DNAJC16: variants seen among roughly 807,000 people sequenced by gnomAD.
The protein encoded by DNAJC16 is dnaJ homolog subfamily C member 16.
In DNAJC16, 76 loss-of-function variants were observed where a neutral mutation model predicts 92.7. The ratio of observed to expected loss-of-function variants is 0.82; its 90% CI spans 0.68 to 0.99. The LOEUF (loss-of-function observed/expected upper bound fraction) is 0.99, where lower values mean the gene tolerates loss of function less well. Among genes scored for constraint, DNAJC16 ranks in the 50% least tolerant of loss-of-function variants. The pLI, the probability that DNAJC16 is intolerant of heterozygous loss-of-function variation, is 0.00. For missense variants in DNAJC16, 869 were observed against 942.4 expected, an observed-to-expected ratio of 0.92 and a Z score of 1.02; for synonymous variants, 328 against 358.7, an observed-to-expected ratio of 0.91 and a Z score of 0.97.
chr1:15,551,351 T>C (rs1239594126), intron 7 of DNAJC16, among the ~76,000 whole-genome samples: 1 of 152,246 alleles, frequency 6.6e-6, no homozygotes, highest in Non-Finnish European at 1.5e-5. Context: ...TTGCCACTTT[T>C]CTTAATGGAA....
In DNAJC16 at chr1:15,564,120, C is replaced by G; in HGVS notation, c.1521+9C>G. ...CCGATGAACTTGCCCCTGTGAGCAT[C>G]GGGGCTGGGAAGGGTGGGACACCAG... On this transcript the variant is annotated intron_variant, in intron 10 of 14. Transcript: ENST00000375847. 3.6e-5 allele frequency: 57 copies of G among 1,581,728 alleles called. No individual in the cohort carries two copies. The highest frequency in any genetic ancestry group is 4.8e-5 in the Non-Finnish European group (56 of 1,157,942).
At chr1:15,548,175 C>T in intron 6 of DNAJC16, 95 bp from the exon 7 acceptor site, 1 of 1,248,196 alleles carries the variant, frequency 8.0e-7, no homozygotes, top group Non-Finnish European at 1.1e-6. Flanking sequence ...CTGGCATGTA[C>T]CTCTCTGCTC....
At chr1:15,565,698 A>G in intron 11 of DNAJC16, 1 of 582,182 alleles carries the variant, frequency 1.7e-6, no homozygotes, top group East Asian at 2.9e-5. Context: ...ACTGAGATAC[A>G]AAATCAAACT....
In DNAJC16 at chr1:15,563,941, G is replaced by A. The variant is rs148932830; in HGVS notation, c.1351G>A (p.Glu451Lys). The A allele has an allele frequency of 1.2e-6, 2 of 1,609,502 alleles. No individual in the cohort carries two copies. Among genetic ancestry groups the A allele is most frequent in the African/African-American group, 2.7e-5 (2 of 74,636 alleles). ...FQGKSAVSILERRNTAGRVVY... is the reference protein window; with the variant it reads ...FQGKSAVSILKRRNTAGRVVY... ...ACTTTTCTTCCAGGTGTCTATTTTA[G>A]AAAGGCGCAACACAGCAGGAAGGGT... The change falls in exon 10 of 15, where the codon GAA becomes AAA. Residue 451 changes from glutamate (E) to lysine (K), a missense_variant. Physicochemically the swap from Glu to Lys is moderately conservative, Grantham distance 56. Coordinates refer to ENST00000375847, the MANE Select transcript of DNAJC16 (RefSeq NM_015291.4).
At chr1:15,536,401 C>G in intron 3 of DNAJC16, 74 bp from the exon 4 acceptor site, 1 of 1,262,116 alleles carries the variant, frequency 7.9e-7, no homozygotes, top group South Asian at 1.6e-5. Context: ...CTTCCTATGT[C>G]TTTCAAGCTG....
At position 15,559,467 on chromosome 1, in the gene DNAJC16, C is replaced by T; in HGVS notation, c.1024-59C>T. 10 of 1,598,866 alleles carry T rather than the reference C, an allele frequency of 6.3e-6. No individual in the cohort carries two copies. In the South Asian group the frequency reaches 1.1e-4, roughly 18 times the overall value. ...TATTAAGCTGGTAAGTAAAGAAAGCCCATCTATTTGCATTGAGAACACTGC... is the reference window on the plus strand; with the variant it reads ...TATTAAGCTGGTAAGTAAAGAAAGCTCATCTATTTGCATTGAGAACACTGC... On this transcript the variant is annotated intron_variant, in intron 7 of 14. Coordinates refer to ENST00000375847, the MANE Select transcript of DNAJC16 (RefSeq NM_015291.4).
In DNAJC16 at chr1:15,568,521, C is replaced by T. The variant is rs1449750416; in HGVS notation, c.*344C>T. 6 of 436,348 alleles carry T rather than the reference C, an allele frequency of 1.4e-5. No homozygotes were observed. Among genetic ancestry groups the T allele is most frequent in the Non-Finnish European group, 2.4e-5 (6 of 248,336 alleles). 27.0% of individuals were successfully genotyped at this position (436,348 alleles called of 1,614,324 possible). On this transcript the variant is annotated 3_prime_UTR_variant, in exon 15 of 15. Coordinates refer to ENST00000375847, the MANE Select transcript of DNAJC16 (RefSeq NM_015291.4). ...TGTCTTGGAGAAGCACAGGGCTCCA[C>T]CCTGCAAGCGGCATCTGGCGGACCC...
At chr1:15,564,452 A>G in intron 11 of DNAJC16, 93 bp downstream of exon 11, 1 of 888,030 alleles carries the variant, frequency 1.1e-6, no homozygotes, top group Admixed American at 1.8e-5. Flanking sequence ...TTAAATTTCA[A>G]GGTACACTTG....
rs1233496217 is a variant in DNAJC16, at chr1:15,568,722, A to T, written c.*545A>T. ...ACGTTTACTGGTTGTTCTGGGAGTA[A>T]GTGGCTAAATGTATATTTTGGGGGT... On this transcript the variant is annotated 3_prime_UTR_variant, in exon 15 of 15. Coordinates refer to ENST00000375847, the MANE Select transcript of DNAJC16 (RefSeq NM_015291.4). The T allele has an allele frequency of 2.5e-6, 1 of 398,898 alleles. No homozygotes were observed. Among genetic ancestry groups the T allele is most frequent in the Non-Finnish European group, 4.4e-6 (1 of 226,392 alleles). The allele number at this position is 398,898 out of a possible 1,614,324, so 24.7% of individuals were successfully genotyped here. A position where few individuals can be genotyped will look rare whatever the true frequency, so the allele number is the denominator to read the frequency against.
intron 14 of DNAJC16, 113 bp from the exon 15 acceptor site, chr1:15,567,665 C>A: frequency 8.5e-7 from 1 of 1,182,870 alleles, no homozygotes; most frequent in South Asian, 1.5e-5. Context: ...GTTCAGGCCC[C>A]ATCCAACACA....
At chr1:15,540,935 G>A (rs1036218401) in intron 4 of DNAJC16, among the ~76,000 whole-genome samples, 14 of 152,214 alleles carry the variant, frequency 9.2e-5, no homozygotes, top group African/African-American at 3.4e-4. Flanking sequence ...CAGAACCTGG[G>A]GCAGAACTGG....
At chr1:15,535,756 T>C (rs1710763761) in intron 3 of DNAJC16, among the ~76,000 whole-genome samples, 1 of 151,700 alleles carries the variant, frequency 6.6e-6, no homozygotes, top group Admixed American at 6.6e-5. Flanking sequence ...TCTAATTATG[T>C]CATAATCTTT....
intron 4 of DNAJC16, among the ~76,000 whole-genome samples, chr1:15,538,677 A>T (rs1710852910): frequency 1.3e-5 from 2 of 152,200 alleles, no homozygotes; most frequent in Non-Finnish European, 2.9e-5. Context: ...AGATCACACC[A>T]TTGCATTCCA....
chr1:15,564,496 T>G, intron 11 of DNAJC16, 137 bp downstream of exon 11: 1 of 629,700 alleles, frequency 1.6e-6, no homozygotes, highest in South Asian at 1.9e-5. Flanking sequence ...ACACATTTTC[T>G]ATTCCCCTTT....
At chr1:15,562,474 C>T (rs1638713042) in intron 9 of DNAJC16, 149 bp downstream of exon 9, 3 of 919,474 alleles carry the variant, frequency 3.3e-6, no homozygotes, top group African/African-American at 1.7e-5. Context: ...TTTGTTTTTC[C>T]TTTTTCTTGA....
At chr1:15,551,279 G>C (rs893506460) in intron 7 of DNAJC16, among the ~76,000 whole-genome samples, 1 of 152,256 alleles carries the variant, frequency 6.6e-6, no homozygotes, top group Non-Finnish European at 1.5e-5. Context: ...GAGCTGGGAA[G>C]TGTGCATAAA....
intron 7 of DNAJC16, among the ~76,000 whole-genome samples, chr1:15,549,033 C>G (rs1005421648): frequency 6.6e-6 from 1 of 151,902 alleles, no homozygotes; most frequent in African/African-American, 2.4e-5. Flanking sequence ...CTTTTTTCAC[C>G]CATCCAACTG....
intron 7 of DNAJC16, among the ~76,000 whole-genome samples, chr1:15,554,758 G>A (rs1347885093): frequency 2.6e-5 from 4 of 152,048 alleles, no homozygotes; most frequent in Admixed American, 1.3e-4. Flanking sequence ...TTGTTAAGTC[G>A]GTTTGGGGAG....
intron 11 of DNAJC16, 193 bp from the exon 12 acceptor site, chr1:15,565,726 G>A: frequency 1.6e-6 from 1 of 616,870 alleles, no homozygotes; most frequent in Non-Finnish European, 2.9e-6. Flanking sequence ...TAAGCTGTCT[G>A]TGAATTAGAA....
Sources: allele counts gnomAD v4.1 joint callset (sites outside exome capture counted in the v4.1 genomes callset), GRCh38; gene constraint gnomAD v4.1.1; transcripts MANE v1.5; gene names NCBI Gene and HGNC (gene_info 2026-07-23, HGNC 2026-07-21).